TMCO5A: variants seen among roughly 807,000 people sequenced by gnomAD.
TMCO5A encodes transmembrane and coiled-coil domain-containing protein 5A.
TMCO5A carries 34 observed loss-of-function variants against 42.3 expected under a neutral mutation model. The ratio of observed to expected loss-of-function variants is 0.80; its 90% confidence interval spans 0.61 to 1.07. The LOEUF is 1.07. TMCO5A is among the 50% of genes least tolerant of loss of function. The probability of loss-of-function intolerance (pLI) is 0.00; values close to 1 mark genes in which losing one functional copy is unlikely to be tolerated. For missense variants in TMCO5A, 357 were observed against 327.9 expected (o/e 1.09, Z -0.69); for synonymous variants, 131 against 115.6 (o/e 1.13, Z -0.86).
chr15:37,980,511 G>A, the TMCO5A span, among the ~76,000 whole-genome samples: 1 of 151,976 alleles, frequency 6.6e-6, no homozygotes, highest in East Asian at 1.9e-4. Context: ...TTGCTTCCCC[G>A]ATGAATCCCA....
chr15:38,029,335 C>T, the TMCO5A span, among the ~76,000 whole-genome samples: 1 of 106,940 alleles, frequency 9.4e-6, no homozygotes, highest in South Asian at 3.3e-4. Flanking sequence ...CACATGTGCA[C>T]ATGTTCACAC....
the TMCO5A span, among the ~76,000 whole-genome samples, chr15:37,978,513 T>C: frequency 6.6e-6 from 1 of 152,146 alleles, no homozygotes; most frequent in Non-Finnish European, 1.5e-5. Flanking sequence ...TTCCTCTCCA[T>C]AGGGTGGCTA....
chr15:37,981,225 A>ACTGGTCC, the TMCO5A span, among the ~76,000 whole-genome samples: 1 of 145,370 alleles, frequency 6.9e-6, no homozygotes, highest in Non-Finnish European at 1.5e-5. Context: ...AAAAAAAAAA[A>ACTGGTCC]CTGGTCCCAG....
In TMCO5A at chr15:37,951,146, A is replaced by C; in HGVS notation, c.779A>C (p.Lys260Thr). ...GATCTCCTCGTCAATGTACTGCCCA[A>C]GGTACTGGGCAGGAGCACCTTGTGG... The part of the protein sequence containing the change: ...NPDLLVNVLP[K>T]VLGRSTLWKL... Residue 260 changes from lysine (K) to threonine (T), a missense_variant, in exon 12 of 12, where the codon AAG (lysine) becomes ACG (threonine). By Grantham distance (78) the Lys-to-Thr change is moderately conservative (BLOSUM62 -1). Coordinates refer to ENST00000319669, the MANE Select transcript of TMCO5A (RefSeq NM_152453.4). 6.2e-7 allele frequency: 1 copy of C among 1,613,584 alleles called. No individual in the cohort carries two copies. Among genetic ancestry groups the C allele is most frequent in the Non-Finnish European group, 8.5e-7 (1 of 1,179,626 alleles).
At chr15:37,966,689 G>T in exon 12 of TMCO5A, 1 of 702,818 alleles carries the variant, frequency 1.4e-6, no homozygotes, top group Non-Finnish European at 2.6e-6. Context: ...TACCAGATTG[G>T]CAACCTTTGC....
chr15:37,975,590 A>T, the TMCO5A span, among the ~76,000 whole-genome samples: 1 of 151,148 alleles, frequency 6.6e-6, no homozygotes. Context: ...TTTACTTGGT[A>T]GATTTTTCTC....
chr15:37,980,682 A>G, the TMCO5A span, among the ~76,000 whole-genome samples: 3 of 148,914 alleles, frequency 2.0e-5, no homozygotes, highest in Non-Finnish European at 1.5e-5. Flanking sequence ...CTTTCTTTCT[A>G]CACTGAATGG....
rs921510403 is a variant in TMCO5A, at chr15:37,941,072, G to C, written c.388-77G>C. On this transcript the variant is annotated intron_variant, in intron 6 of 11. Transcript: ENST00000319669. ...CCCTGAGGCTCCTCACAGCTCGTGAGGCCACCTTGGTGACAGCATTCCATT... is the reference window on the plus strand; with the variant it reads ...CCCTGAGGCTCCTCACAGCTCGTGACGCCACCTTGGTGACAGCATTCCATT... The C allele has an allele frequency of 3.5e-6, 5 of 1,434,426 alleles. No homozygotes were observed. The African/African-American group carries it at 7.1e-5, about 20-fold the overall frequency. The allele number at this position is 1,434,426 out of a possible 1,614,324, so 88.9% of individuals were successfully genotyped here. A position where few individuals can be genotyped will look rare whatever the true frequency, so the allele number is the denominator to read the frequency against.
At chr15:37,943,593 C>A in intron 10 of TMCO5A, 195 bp downstream of exon 10, 1 of 547,532 alleles carries the variant, frequency 1.8e-6, no homozygotes, top group Non-Finnish European at 3.2e-6. Flanking sequence ...ACTTTCTTCT[C>A]ATTCAGCCAT....
chr15:37,980,934 A>T, the TMCO5A span, among the ~76,000 whole-genome samples: 12 of 152,318 alleles, frequency 7.9e-5, no homozygotes, highest in South Asian at 2.1e-3. Flanking sequence ...AACTTTTTTT[A>T]AAATTTTTCT....
the TMCO5A span, among the ~76,000 whole-genome samples, chr15:38,036,234 C>T: frequency 6.6e-6 from 1 of 152,294 alleles, no homozygotes; most frequent in East Asian, 1.9e-4. Flanking sequence ...GGAGCTGTCT[C>T]CTGCAGGCAG....
At chr15:38,028,167 A>G in the TMCO5A span, among the ~76,000 whole-genome samples, 1 of 150,878 alleles carries the variant, frequency 6.6e-6, no homozygotes, top group Admixed American at 6.6e-5. Context: ...ATTATAACAT[A>G]GTAGTAAATA....
rs1016983169 is a variant in TMCO5A at position 37,956,958 on chromosome 15, T to C, written c.668+9262T>C. ...AACGGATGCCAATCAATAAACTTAA[T>C]CCATCACATAAACAGAACCAATGAC... On this transcript the variant is annotated intron_variant, in intron 11 of 11. Transcript: ENST00000559502. 2.2e-4 allele frequency among the ~76,000 whole-genome samples: 33 copies of C among 152,174 alleles called. 1 individual carries two copies. Among genetic ancestry groups the C allele is most frequent in the Non-Finnish European group, 4.4e-5 (3 of 68,032 alleles).
At chr15:37,955,689 G>C (rs993583516), downstream of TMCO5A, among the ~76,000 whole-genome samples, 1 of 152,036 alleles carries the variant, frequency 6.6e-6, no homozygotes, top group African/African-American at 2.4e-5. Context: ...GGATCAACAA[G>C]GCAGAAAATT....
chr15:37,995,844 C>CTA, the TMCO5A span, among the ~76,000 whole-genome samples: 7 of 142,532 alleles, frequency 4.9e-5, no homozygotes, highest in African/African-American at 1.8e-4. Flanking sequence ...GCAATCCCCT[C>CTA]CAAAAAAAAA....
At chr15:38,023,984 A>C in the TMCO5A span, among the ~76,000 whole-genome samples, 5 of 152,220 alleles carry the variant, frequency 3.3e-5, no homozygotes, top group Non-Finnish European at 7.3e-5. Flanking sequence ...TTCAGACATT[A>C]GGACATGGGA....
At chr15:37,957,490 T>C (rs1890320820) in intron 11 of TMCO5A, among the ~76,000 whole-genome samples, 3 of 152,086 alleles carry the variant, frequency 2.0e-5, no homozygotes, top group African/African-American at 4.8e-5. Flanking sequence ...CCATTCACAA[T>C]TGCTACAAAG....
the TMCO5A span, among the ~76,000 whole-genome samples, chr15:38,012,066 G>C: frequency 1.3e-5 from 2 of 151,574 alleles, no homozygotes; most frequent in Non-Finnish European, 2.9e-5. Context: ...GGAGGTTGCC[G>C]TGAGCCAAGA....
At chr15:38,007,195 G>A in the TMCO5A span, among the ~76,000 whole-genome samples, 1 of 152,178 alleles carries the variant, frequency 6.6e-6, no homozygotes, top group Non-Finnish European at 1.5e-5. Flanking sequence ...AAGAATTTGT[G>A]TGTAGACTTC....
Sources: gnomAD v4.1 joint callset for allele counts (sites outside exome capture counted in the v4.1 genomes callset) on GRCh38, gnomAD v4.1.1 for gene constraint, MANE v1.5 for transcripts, NCBI Gene and HGNC (gene_info 2026-07-23, HGNC 2026-07-21) for gene names.